Variants in SEMA3C observed in about 807,000 individuals in gnomAD.
SEMA3C encodes the protein semaphorin-3C.
A neutral mutation model predicts 89.4 loss-of-function variants in SEMA3C; 47 were observed. That is an observed-to-expected ratio of 0.53 (90% CI 0.42 to 0.67). The LOEUF (loss-of-function observed/expected upper bound fraction) is 0.67, where lower values mean the gene tolerates loss of function less well. Ranked by LOEUF, SEMA3C falls within the 30% of genes least tolerant of loss-of-function variation. The probability of loss-of-function intolerance (pLI) is 0.00; values close to 1 mark genes in which losing one functional copy is unlikely to be tolerated. For missense variants in SEMA3C, 839 were observed against 929.1 expected (o/e 0.90, Z 1.26); for synonymous variants, 310 against 320.2 (o/e 0.97, Z 0.34).
chr7:80,917,823 T>G (rs1036133322), intron 1 of SEMA3C, among the ~76,000 whole-genome samples: 10 of 152,250 alleles, frequency 6.6e-5, no homozygotes, highest in Admixed American at 2.0e-4. Flanking sequence ...TCTTCATTAT[T>G]TGGCTTTTCA....
intron 2 of SEMA3C, among the ~76,000 whole-genome samples, chr7:80,867,709 G>A (rs1346705701): frequency 6.9e-6 from 1 of 144,792 alleles, no homozygotes; most frequent in Non-Finnish European, 1.5e-5. Context: ...ATATCGATAT[G>A]TATAAATCAT....
intron 12 of SEMA3C, among the ~76,000 whole-genome samples, chr7:80,779,273 AT>A (rs1439454137): frequency 6.6e-6 from 1 of 152,180 alleles, no homozygotes; most frequent in Non-Finnish European, 1.5e-5. Flanking sequence ...GAAATAATGT[AT>A]TTTAAGTGAT....
chr7:80,835,658 CA>C (rs766451441), intron 2 of SEMA3C, among the ~76,000 whole-genome samples: 4 of 152,064 alleles, frequency 2.6e-5, no homozygotes, highest in Non-Finnish European at 4.4e-5. Flanking sequence ...CTAATGTGAA[CA>C]AAGACAATAG....
At chr7:80,757,982 T>C (rs1051215687) in intron 15 of SEMA3C, among the ~76,000 whole-genome samples, 2 of 151,728 alleles carry the variant, frequency 1.3e-5, no homozygotes, top group Non-Finnish European at 1.5e-5. Flanking sequence ...AAATAAATAA[T>C]AAATAAAATT....
chr7:80,858,285 A>T (rs1381062828), intron 2 of SEMA3C, among the ~76,000 whole-genome samples: 1 of 152,126 alleles, frequency 6.6e-6, no homozygotes, highest in Non-Finnish European at 1.5e-5. Flanking sequence ...CTCCCGTATG[A>T]TACTGAGGTT....
At chr7:80,810,520 T>C in intron 6 of SEMA3C, 91 bp downstream of exon 6, 3 of 917,616 alleles carry the variant, frequency 3.3e-6, no homozygotes, top group Non-Finnish European at 5.2e-6. Flanking sequence ...CATACTATCA[T>C]CCACACAACC....
At chr7:80,755,282 T>G (rs1300661229) in intron 15 of SEMA3C, among the ~76,000 whole-genome samples, 1 of 151,052 alleles carries the variant, frequency 6.6e-6, no homozygotes, top group Non-Finnish European at 1.5e-5. Context: ...AGCACACATC[T>G]TAGAAAGGAT....
At chr7:80,898,192 C>T (rs552082212) in intron 2 of SEMA3C, among the ~76,000 whole-genome samples, 9 of 151,898 alleles carry the variant, frequency 5.9e-5, no homozygotes, top group Admixed American at 1.3e-4. Flanking sequence ...TGCTGAACCC[C>T]GCGTGCCGAC....
At chr7:80,888,385 C>T (rs944708453) in intron 2 of SEMA3C, among the ~76,000 whole-genome samples, 1 of 152,000 alleles carries the variant, frequency 6.6e-6, no homozygotes, top group Non-Finnish European at 1.5e-5. Context: ...ATCACCTAAG[C>T]CCAGGGAGGT....
intron 2 of SEMA3C, among the ~76,000 whole-genome samples, chr7:80,837,484 A>G (rs1373123248): frequency 6.6e-6 from 1 of 152,182 alleles, no homozygotes; most frequent in Non-Finnish European, 1.5e-5. Context: ...CAAACAGGAA[A>G]GGGTTAACAT....
intron 11 of SEMA3C, among the ~76,000 whole-genome samples, chr7:80,791,799 C>T (rs1562876814): frequency 6.6e-6 from 1 of 152,186 alleles, no homozygotes; most frequent in Non-Finnish European, 1.5e-5. Context: ...ATCCCTGCAA[C>T]AGCTGTCCAA....
intron 2 of SEMA3C, among the ~76,000 whole-genome samples, chr7:80,851,037 G>A (rs760391398): frequency 5.9e-5 from 9 of 151,946 alleles, no homozygotes; most frequent in African/African-American, 1.2e-4. Context: ...ACCTCCCTCC[G>A]ATCTCTCCCT....
chr7:80,816,630 G>C (rs10499865), intron 5 of SEMA3C, among the ~76,000 whole-genome samples: 1 of 152,062 alleles, frequency 6.6e-6, no homozygotes, highest in Non-Finnish European at 1.5e-5. Flanking sequence ...GAAACTCTCC[G>C]ACTAGAGTGA....
At chr7:80,806,115 G>A (rs959081248) in intron 6 of SEMA3C, among the ~76,000 whole-genome samples, 1 of 151,898 alleles carries the variant, frequency 6.6e-6, no homozygotes, top group East Asian at 1.9e-4. Flanking sequence ...TAGCTTAACT[G>A]TTTACCTATA....
upstream of SEMA3C, among the ~76,000 whole-genome samples, chr7:80,920,724 C>A (rs757271457): frequency 2.0e-5 from 3 of 152,138 alleles, no homozygotes; most frequent in Admixed American, 6.5e-5. Flanking sequence ...GTGAGAAGAT[C>A]CTTGACATAA....
At chr7:80,768,661 G>A (rs1344776869) in intron 12 of SEMA3C, among the ~76,000 whole-genome samples, 1 of 152,182 alleles carries the variant, frequency 6.6e-6, no homozygotes, top group Admixed American at 6.5e-5. Context: ...GATGCATGTG[G>A]TTGGAGGTGT....
At chr7:80,775,393 A>G (rs1788524107) in intron 12 of SEMA3C, among the ~76,000 whole-genome samples, 1 of 152,128 alleles carries the variant, frequency 6.6e-6, no homozygotes, top group African/African-American at 2.4e-5. Flanking sequence ...AATCTTAGTG[A>G]CAGAAAAATA....
chr7:80,749,044 A>T lies in SEMA3C; in HGVS notation c.1712-16T>A. ...TTTCTGTATGCTAGCAGGCAAAAAT[A>T]AAAGGCGAGAGAGAAAGAAAGAACA... On this transcript the variant is annotated splice_polypyrimidine_tract_variant and intron_variant, in intron 16 of 17. Coordinates refer to ENST00000265361, the MANE Select transcript of SEMA3C (RefSeq NM_006379.5). The T allele has an allele frequency of 6.3e-7, 1 of 1,587,186 alleles. No individual in the cohort carries two copies. The highest frequency in any genetic ancestry group is 1.2e-5 in the South Asian group (1 of 86,690).
intron 8 of SEMA3C, among the ~76,000 whole-genome samples, chr7:80,803,855 A>G (rs771715398): frequency 3.9e-5 from 6 of 152,114 alleles, no homozygotes; most frequent in Non-Finnish European, 7.4e-5. Flanking sequence ...TTGAATTAAG[A>G]TTTTTACTAA....
Sources: allele counts gnomAD v4.1 joint callset (sites outside exome capture counted in the v4.1 genomes callset), GRCh38; gene constraint gnomAD v4.1.1; transcripts MANE v1.5; gene names NCBI Gene and HGNC (gene_info 2026-07-23, HGNC 2026-07-21).